HPCAL1: variants seen among roughly 807,000 people sequenced by gnomAD.
HPCAL1 encodes hippocalcin like 1.
A neutral mutation model predicts 17.1 loss-of-function variants in HPCAL1; 8 were observed. The observed-to-expected ratio is 0.47, with a 90% CI of 0.27 to 0.84. The LOEUF (loss-of-function observed/expected upper bound fraction) is 0.84. Ranked by LOEUF, HPCAL1 falls within the 40% of genes least tolerant of loss-of-function variation. HPCAL1 has a pLI of 0.13. For missense variants in HPCAL1, 165 were observed against 271.1 expected (o/e 0.61, Z 2.75); for synonymous variants, 112 against 111.4 (o/e 1.01, Z -0.03).
chr2:10,324,441 C>G (rs1280118295), intron 1 of HPCAL1: 1 of 152,234 alleles, frequency 6.6e-6, no homozygotes, highest in Non-Finnish European at 1.5e-5. Context: ...GTTTTGTGAC[C>G]ATGGGAGACA....
At chr2:10,322,563 G>C (rs899063581) in intron 1 of HPCAL1, among the ~76,000 whole-genome samples, 7 of 152,176 alleles carry the variant, frequency 4.6e-5, no homozygotes, top group Non-Finnish European at 8.8e-5. Flanking sequence ...CTGGCTGAGG[G>C]GCAGCCTGCT....
intron 1 of HPCAL1, among the ~76,000 whole-genome samples, chr2:10,307,113 G>A (rs1460784327): frequency 1.3e-5 from 2 of 151,326 alleles, no homozygotes; most frequent in African/African-American, 4.9e-5. Context: ...AGCCCCACCT[G>A]TGGCATGAGA....
intron 2 of HPCAL1, among the ~76,000 whole-genome samples, chr2:10,402,897 G>A (rs148870083): frequency 6.4e-4 from 97 of 152,188 alleles, no homozygotes; most frequent in Non-Finnish European, 1.1e-3. Flanking sequence ...CAGGGAGGAC[G>A]CGCGTCTCAC....
chr2:10,380,091 G>C (rs1420699832), intron 1 of HPCAL1, among the ~76,000 whole-genome samples: 2 of 152,158 alleles, frequency 1.3e-5, no homozygotes, highest in African/African-American at 4.8e-5. Flanking sequence ...ACGAGTACCT[G>C]CGTCTCAGAG....
At chr2:10,335,031 C>T (rs534162468) in intron 1 of HPCAL1, among the ~76,000 whole-genome samples, 1 of 152,258 alleles carries the variant, frequency 6.6e-6, no homozygotes, top group East Asian at 1.9e-4. Context: ...AGGTCACTTC[C>T]ATTTTTTCAT....
chr2:10,348,606 A>T (rs199736698), intron 1 of HPCAL1, among the ~76,000 whole-genome samples: 5,804 of 104,278 alleles, frequency 0.056, 405 homozygotes, highest in African/African-American at 0.18. Context: ...TCTACAAAAA[A>T]AAAAAAATAT....
At chr2:10,309,582 T>C (rs1326022476) in intron 1 of HPCAL1, among the ~76,000 whole-genome samples, 2 of 152,124 alleles carry the variant, frequency 1.3e-5, no homozygotes, top group African/African-American at 2.4e-5. Flanking sequence ...GTGTGACACA[T>C]GTTCACACAG....
rs1668210537 is a variant in HPCAL1, at chr2:10,384,922, C to A, written c.-110-11913C>A. 6.6e-6 allele frequency among the ~76,000 whole-genome samples: 1 copy of A among 152,038 alleles called. No individual in the cohort carries two copies. Among genetic ancestry groups the A allele is most frequent in the Non-Finnish European group, 1.5e-5 (1 of 68,010 alleles). On this transcript the variant is annotated intron_variant, in intron 1 of 4. Coordinates refer to ENST00000307845, the MANE Select transcript of HPCAL1 (RefSeq NM_002149.4). The surrounding 1 kb of genome is among the most constrained non-coding windows in gnomAD (Gnocchi z 4.4). Reference sequence around the variant, plus strand: ...GGATCACAAGGTCAAGAGATGGAGACCATCCTGGCCAACATGGTGAAACCC... The same window carrying A: ...GGATCACAAGGTCAAGAGATGGAGAACATCCTGGCCAACATGGTGAAACCC...
At chr2:10,305,521 C>T (rs1401652860) in intron 1 of HPCAL1, among the ~76,000 whole-genome samples, 1 of 152,208 alleles carries the variant, frequency 6.6e-6, no homozygotes, top group Non-Finnish European at 1.5e-5. Flanking sequence ...GCTCCCTCTG[C>T]GTCCCACTTT....
chr2:10,339,375 G>C (rs1206784026), intron 1 of HPCAL1, among the ~76,000 whole-genome samples: 1 of 151,334 alleles, frequency 6.6e-6, no homozygotes, highest in Non-Finnish European at 1.5e-5. Context: ...GTGCGATCTC[G>C]GCTCACTGCA....
At chr2:10,334,886 C>T (rs1229352141) in intron 1 of HPCAL1, among the ~76,000 whole-genome samples, 1 of 152,170 alleles carries the variant, frequency 6.6e-6, no homozygotes, top group Non-Finnish European at 1.5e-5. Flanking sequence ...CCAAGTTGCC[C>T]AGCCTGGTCT....
At position 10,354,260 on chromosome 2, in the gene HPCAL1, G is replaced by C. The variant is rs556654905; in HGVS notation, c.-110-42575G>C. 1 of 152,318 alleles carries C rather than the reference G, an allele frequency of 6.6e-6. No individual in the cohort carries two copies. The highest frequency in any genetic ancestry group is 2.1e-4 in the South Asian group (1 of 4,824). 9.4% of individuals were successfully genotyped at this position (152,318 alleles called of 1,614,324 possible). On this transcript the variant is annotated intron_variant, in intron 1 of 4. Coordinates refer to ENST00000307845, the MANE Select transcript of HPCAL1 (RefSeq NM_002149.4). The surrounding 1 kb of genome is among the most constrained non-coding windows in gnomAD (Gnocchi z 5.1). ...TGTCTTCTCCAGGCGCAGCCCTTCA[G>C]CCATGCAATCCTGCGTGTCCTCGTT...
At chr2:10,423,327 CACTGTCTCCCCA>C in intron 4 of HPCAL1, 2 of 530,716 alleles carry the variant, frequency 3.8e-6, no homozygotes, top group Non-Finnish European at 6.9e-6. Context: ...CTCTCTGAGC[CACTGTCTCCCCA>C]CTTATAGAAT....
intron 3 of HPCAL1, among the ~76,000 whole-genome samples, chr2:10,422,632 C>T (rs13428169): frequency 0.22 from 33,554 of 152,096 alleles, 4,161 homozygotes; most frequent in African/African-American, 0.33. Flanking sequence ...CACAGCTCAG[C>T]AGGCAGTGTG....
intron 4 of HPCAL1, chr2:10,424,731 G>T (rs563639290): frequency 1.1e-4 from 50 of 437,276 alleles, no homozygotes; most frequent in South Asian, 8.2e-4. Context: ...GGAGGGAAGA[G>T]TGATACCAGG....
chr2:10,311,412 A>ATTCT (rs1243554556), intron 1 of HPCAL1, among the ~76,000 whole-genome samples: 3 of 152,240 alleles, frequency 2.0e-5, no homozygotes, highest in Non-Finnish European at 1.5e-5. Flanking sequence ...GGTACAATTT[A>ATTCT]TTCTTATTTC....
At chr2:10,401,843 G>C (rs1558520968) in intron 2 of HPCAL1, among the ~76,000 whole-genome samples, 1 of 152,300 alleles carries the variant, frequency 6.6e-6, no homozygotes, top group East Asian at 1.9e-4. Context: ...GTCTCCCTCT[G>C]CCATCCAGCA....
chr2:10,353,017 G>A (rs1424046486), intron 1 of HPCAL1, among the ~76,000 whole-genome samples: 2 of 152,222 alleles, frequency 1.3e-5, no homozygotes, highest in African/African-American at 2.4e-5. Context: ...TGTAGAGAAA[G>A]GCGATTGGAA....
rs143808305 is a variant in HPCAL1 at position 10,332,273 on chromosome 2, A to T, written c.-111+29096A>T. Among the ~76,000 whole-genome samples the T allele has an allele frequency of 1.3e-4, 20 of 152,186 alleles. No individual in the cohort carries two copies. The East Asian group carries it at 3.9e-3, about 29-fold the overall frequency. On this transcript the variant is annotated intron_variant, in intron 1 of 4. Coordinates refer to ENST00000307845, the MANE Select transcript of HPCAL1 (RefSeq NM_002149.4). Reference sequence around the variant, plus strand: ...CTTCTTCCCCCTCCTTCTCCATCTGATCTGAGCATTTACCATTTCCTTCCA... The same window carrying T: ...CTTCTTCCCCCTCCTTCTCCATCTGTTCTGAGCATTTACCATTTCCTTCCA...
Sources: allele counts gnomAD v4.1 joint callset (sites outside exome capture counted in the v4.1 genomes callset), GRCh38; gene constraint gnomAD v4.1.1; non-coding constraint Gnocchi (gnomAD v3.1); transcripts MANE v1.5; gene names NCBI Gene and HGNC (gene_info 2026-07-23, HGNC 2026-07-21).